NOTUM: variants seen among roughly 807,000 people sequenced by gnomAD.
NOTUM encodes the protein palmitoleoyl-protein carboxylesterase NOTUM.
NOTUM carries 36 observed loss-of-function variants against 65.5 expected under a neutral mutation model. The ratio of observed to expected loss-of-function variants is 0.55; its 90% CI spans 0.42 to 0.73. The LOEUF is 0.73. Among genes scored for constraint, NOTUM ranks in the 30% least tolerant of loss-of-function variants. The pLI is 0.00. For synonymous variants in NOTUM, 356 were observed against 297.9 expected (o/e 1.20, Z -2.01); for missense variants, 659 against 694.2 (o/e 0.95, Z 0.57).
At chr17:81,956,620 C>T in intron 8 of NOTUM, 30 bp downstream of exon 8, 2 of 1,472,336 alleles carry the variant, frequency 1.4e-6, no homozygotes, top group Non-Finnish European at 9.5e-7. Context: ...CCCCTGCTGC[C>T]CTGTGTGCTC....
In NOTUM at chr17:81,954,291, G is replaced by A. The variant is rs1266757964; in HGVS notation, c.1149C>T (p.Ala383=). Reference sequence around the variant, plus strand: ...TGATCTCATGGGAGAGGCAGGCGGGGGCAAAGCTGGCCCTGTTGGAGAGGA... The same window carrying A: ...TGATCTCATGGGAGAGGCAGGCGGGAGCAAAGCTGGCCCTGTTGGAGAGGA... ...HTLKDVPASF[A]PACLSHEIII... Residue 383 remains alanine, a synonymous_variant, in exon 10 of 11, where the codon GCC becomes GCT. Coordinates refer to ENST00000409678, the MANE Select transcript of NOTUM (RefSeq NM_178493.6). 3.1e-6 allele frequency: 5 copies of A among 1,612,990 alleles called. No homozygotes were observed. In the African/African-American group the frequency reaches 4.0e-5, roughly 13 times the overall value.
intron 1 of NOTUM, 113 bp from the exon 2 acceptor site, chr17:81,959,805 T>C: frequency 4.0e-6 from 2 of 505,232 alleles, no homozygotes; most frequent in Non-Finnish European, 5.9e-6. Flanking sequence ...CGCGCGACGG[T>C]CGCACGGGGG....
intron 2 of NOTUM, 31 bp from the exon 3 acceptor site, chr17:81,959,597 C>G (rs2041458732): frequency 6.5e-7 from 1 of 1,546,608 alleles, no homozygotes; most frequent in African/African-American, 1.4e-5. Context: ...CAGGCCCGCG[C>G]GCACAGACCC....
chr17:81,959,670 C>T lies in NOTUM; in HGVS notation c.346G>A (p.Gly116Ser), dbSNP rs1001514886. 7.1e-6 allele frequency: 11 copies of T among 1,542,514 alleles called. No individual in the cohort carries two copies. Among genetic ancestry groups the T allele is most frequent in the Non-Finnish European group, 8.7e-6 (10 of 1,144,990 alleles). The stretch of plus-strand genomic sequence containing the variant: ...AGGAAGAGGAGCCACCGCCGGCTGC[C>T]CCTGGACTCCTTCAGGTAGTAGCTG... Reference protein sequence around the residue: ...PAGYYLKESRGSRRWLLFLEG... With the variant: ...PAGYYLKESRSSRRWLLFLEG... Residue 116 changes from glycine (G) to serine (S), a missense_variant, in exon 2 of 11, where the codon GGC becomes AGC. Transcript: ENST00000409678.
At chr17:81,954,899 G>T (rs1024281223) in intron 9 of NOTUM, among the ~76,000 whole-genome samples, 19 of 152,138 alleles carry the variant, frequency 1.2e-4, no homozygotes, top group Non-Finnish European at 2.9e-5. Flanking sequence ...TTATAGGCGT[G>T]AGCCAGTGTG....
chr17:81,954,146 C>T, intron 10 of NOTUM, 110 bp downstream of exon 10: 1 of 743,382 alleles, frequency 1.3e-6, no homozygotes, highest in East Asian at 2.6e-5. Context: ...GAAATCCCAC[C>T]CCTAGAAGCG....
In NOTUM at chr17:81,959,043, A is replaced by G. The variant is rs757662374; in HGVS notation, c.473-48T>C. 4 of 1,548,148 alleles carry G rather than the reference A, an allele frequency of 2.6e-6. No individual in the cohort carries two copies. The East Asian group carries it at 9.0e-5, about 35-fold the overall frequency. On this transcript the variant is annotated intron_variant, in intron 3 of 10. Transcript: ENST00000409678. ...TCTTTCTAGCGGGAGGAGGCTGTGT[A>G]GGGTCGGGTCTGGGAACCCTGGTGA...
At position 81,956,962 on chromosome 17, in the gene NOTUM, C is replaced by G; in HGVS notation, c.808G>C (p.Asp270His). Residue 270 changes from aspartate to histidine, a missense_variant, in exon 7 of 11, where the codon GAC becomes CAC. Asp to His is a moderately conservative substitution (Grantham distance 81). Coordinates refer to ENST00000409678, the MANE Select transcript of NOTUM (RefSeq NM_178493.6). Reference sequence around the variant, plus strand: ...TCTGTGTGGCGATACTGCTTGTTGTCCAGGAACCAGCCGGAGTCAGCCAGG... The same window carrying G: ...TCTGTGTGGCGATACTGCTTGTTGTGCAGGAACCAGCCGGAGTCAGCCAGG... ...RGLADSGWFL[D>H]NKQYRHTDCV... 6.2e-7 allele frequency: 1 copy of G among 1,613,464 alleles called. No individual in the cohort carries two copies. The highest frequency in any genetic ancestry group is 8.5e-7 in the Non-Finnish European group (1 of 1,179,950).
chr17:81,954,939 C>T (rs1165612154), intron 9 of NOTUM, among the ~76,000 whole-genome samples: 1 of 112,646 alleles, frequency 8.9e-6, no homozygotes, highest in Admixed American at 8.4e-5. Flanking sequence ...CGATCTCTCT[C>T]TCTCTCTCTC....
chr17:81,954,529 C>T (rs772439813), intron 9 of NOTUM, among the ~76,000 whole-genome samples: 1 of 152,250 alleles, frequency 6.6e-6, no homozygotes, highest in Non-Finnish European at 1.5e-5. Flanking sequence ...CAGGCAGGCC[C>T]TCCCAGGTGA....
In NOTUM at chr17:81,955,533, C is replaced by G; in HGVS notation, c.1000G>C (p.Val334Leu). Residue 334 changes from valine to leucine, a missense_variant, in exon 9 of 11, where the codon GTG becomes CTG. Val to Leu is a conservative substitution (Grantham distance 32, BLOSUM62 1). Coordinates refer to ENST00000409678, the MANE Select transcript of NOTUM (RefSeq NM_178493.6). ...VYPTLRCPVF[V>L]VQWLFDEAQL... ...GCCTCGTCAAACAGCCACTGCACCA[C>G]GAACACAGGGCCTGCGGGCGGCGGG... The G allele has an allele frequency of 1.2e-6, 2 of 1,610,782 alleles. No individual in the cohort carries two copies. Among genetic ancestry groups the G allele is most frequent in the Non-Finnish European group, 8.5e-7 (1 of 1,178,944 alleles).
In NOTUM at chr17:81,958,355, G is replaced by T; in HGVS notation, c.572C>A (p.Ala191Asp). 6.2e-7 allele frequency: 1 copy of T among 1,610,394 alleles called. No homozygotes were observed. Among genetic ancestry groups the T allele is most frequent in the Non-Finnish European group, 8.5e-7 (1 of 1,177,992 alleles). ...PYCSSDVWSG[A>D]SSKSEKNEYA... ...CTCACTCTTCTCAGACTTGGATGAA[G>T]CCCCGCTCCAAACATCACTGGAGCA... Residue 191 changes from alanine (A) to aspartate (D), a missense_variant, in exon 5 of 11, where the codon GCT becomes GAT. Physicochemically the swap from Ala to Asp is moderately radical, Grantham distance 126 (BLOSUM62 -2). Coordinates refer to ENST00000409678, the MANE Select transcript of NOTUM (RefSeq NM_178493.6).
At chr17:81,956,617 T>C (rs1162305035) in intron 8 of NOTUM, 33 bp downstream of exon 8, 1 of 1,448,752 alleles carries the variant, frequency 6.9e-7, no homozygotes, top group South Asian at 1.2e-5. Context: ...CCACCCCTGC[T>C]GCCCTGTGTG....
chr17:81,955,318 C>T, intron 9 of NOTUM, 79 bp downstream of exon 9: 6 of 1,292,142 alleles, frequency 4.6e-6, no homozygotes, highest in Non-Finnish European at 6.3e-6. Flanking sequence ...GGTTTTTCTT[C>T]TTTTGTTTTC....
chr17:81,952,938 G>A lies in NOTUM; in HGVS notation c.*23C>T, dbSNP rs371740283. 1.5e-5 allele frequency: 24 copies of A among 1,607,358 alleles called. No homozygotes were observed. Among genetic ancestry groups the A allele is most frequent in the Middle Eastern group, 1.7e-4 (1 of 6,060 alleles). ...GCGGGTGTCTGGGCCCCTCAGTGCC[G>A]GCTCCTCCTCCAGACAGTCTGCCTA... On this transcript the variant is annotated 3_prime_UTR_variant, in exon 11 of 11. Coordinates refer to ENST00000409678, the MANE Select transcript of NOTUM (RefSeq NM_178493.6).
rs1002860188 is a variant in NOTUM at position 81,961,017 on chromosome 17, C to T, written c.-108G>A. ...GGGGGTGTCGGGGGCACTGGCCGCT[C>T]CTGCTCCCTCGCCCCCGCTCCCGCC... is the stretch of plus-strand genomic sequence containing the variant. On this transcript the variant is annotated 5_prime_UTR_variant, in exon 1 of 11. Transcript: ENST00000409678. 5 of 443,234 alleles carry T rather than the reference C, an allele frequency of 1.1e-5. No individual in the cohort carries two copies. Among genetic ancestry groups the T allele is most frequent in the South Asian group, 9.6e-5 (1 of 10,394 alleles). 27.5% of individuals were successfully genotyped at this position (443,234 alleles called of 1,614,324 possible). A position where few individuals can be genotyped will look rare whatever the true frequency, so the allele number is the denominator to read the frequency against.
rs1243392483 is a variant in NOTUM at position 81,960,153 on chromosome 17, C to T, written c.323+434G>A. Among the ~76,000 whole-genome samples the T allele has an allele frequency of 6.6e-6, 1 of 152,074 alleles. No individual in the cohort carries two copies. The highest frequency in any genetic ancestry group is 1.5e-5 in the Non-Finnish European group (1 of 67,990). Reference sequence around the variant, plus strand: ...CAAGTCTCCCGCTGTCCCCGGCTGTCCTCGGCCTGTTGAGCGCGTGGGCGG... The same window carrying T: ...CAAGTCTCCCGCTGTCCCCGGCTGTTCTCGGCCTGTTGAGCGCGTGGGCGG... On this transcript the variant is annotated intron_variant, in intron 1 of 10. Transcript: ENST00000409678. The surrounding 1 kb of genome is among the most constrained non-coding windows in gnomAD (Gnocchi z 6.4).
Position 81,956,903 on chromosome 17 carries a change from C to G in NOTUM, c.867G>C (p.Glu289Asp), listed in dbSNP as rs780812322. 6.2e-7 allele frequency: 1 copy of G among 1,611,566 alleles called. No homozygotes were observed. Among genetic ancestry groups the G allele is most frequent in the Non-Finnish European group, 8.5e-7 (1 of 1,179,644 alleles). The change falls in exon 7 of 11, where the codon GAG becomes GAC. Residue 289 changes from glutamate (E) to aspartate (D), a missense_variant. By Grantham distance (45) the Glu-to-Asp change is conservative (BLOSUM62 2). Coordinates refer to ENST00000409678, the MANE Select transcript of NOTUM (RefSeq NM_178493.6). ...CVDTITCAPT[E>D]AIRRGIRYWN... is the part of the protein sequence containing the mutation. The stretch of plus-strand genomic sequence containing the variant: ...GGCACCTGATGCCACGGCGGATGGC[C>G]TCCGTGGGCGCGCACGTGATCGTGT...
rs1284264097 is a variant in NOTUM at position 81,960,641 on chromosome 17, C to T, written c.269G>A (p.Arg90His). 4 of 1,562,594 alleles carry T rather than the reference C, an allele frequency of 2.6e-6. No individual in the cohort carries two copies. Among genetic ancestry groups the T allele is most frequent in the Non-Finnish European group, 3.5e-6 (4 of 1,151,412 alleles). ...CSAQQLNEDL[R>H]LHLLLNTSVT... is the part of the protein sequence containing the mutation. ...CGAGGTGTTGAGTAGGAGGTGCAGG[C>T]GCAGGTCCTCGTTGAGCTGCTGCGC... The change falls in exon 1 of 11, where the codon CGC becomes CAC. Residue 90 changes from arginine to histidine, a missense_variant. Arg to His is a conservative substitution (Grantham distance 29). Transcript: ENST00000409678. This position sits in a 1 kb window ranked among gnomAD's most constrained non-coding sequence, Gnocchi z 6.4.
Sources: allele counts gnomAD v4.1 joint callset (sites outside exome capture counted in the v4.1 genomes callset), GRCh38; gene constraint gnomAD v4.1.1; non-coding constraint Gnocchi (gnomAD v3.1); transcripts MANE v1.5; gene names NCBI Gene and HGNC (gene_info 2026-07-23, HGNC 2026-07-21).